ERG: variants seen among roughly 807,000 people sequenced by gnomAD.
ERG encodes the protein ETS transcription factor ERG.
Under a neutral mutation model 55.3 loss-of-function variants are expected in ERG, and 9 were observed. The observed-to-expected ratio is 0.16, with a 90% CI of 0.10 to 0.28. The LOEUF (loss-of-function observed/expected upper bound fraction) is 0.28. Ranked by LOEUF, ERG falls within the 10% of genes least tolerant of loss-of-function variation. The pLI, the probability that ERG is intolerant of heterozygous loss-of-function variation, is 1.00. For missense variants in ERG, 434 were observed against 631.6 expected (o/e 0.69, Z 3.35); for synonymous variants, 223 against 237.3 (o/e 0.94, Z 0.55).
intron 1 of ERG, among the ~76,000 whole-genome samples, chr21:38,628,149 G>A (rs2060336629): frequency 1.3e-5 from 2 of 151,918 alleles, no homozygotes; most frequent in East Asian, 1.9e-4. Flanking sequence ...AGGGTTTTGC[G>A]ATGTTGCCCA....
intron 1 of ERG, among the ~76,000 whole-genome samples, chr21:38,486,184 C>T (rs1185481031): frequency 7.2e-5 from 11 of 152,094 alleles, no homozygotes; most frequent in Admixed American, 6.5e-4. Context: ...CTGCCCGCCT[C>T]AGCCTCCCAA....
chr21:38,649,912 C>A (rs1016400154), intron 1 of ERG, among the ~76,000 whole-genome samples: 1 of 152,210 alleles, frequency 6.6e-6, no homozygotes, highest in African/African-American at 2.4e-5. Context: ...TAATGCTAGA[C>A]GCGAGAACAC....
chr21:38,636,599 A>G (rs1242581987), intron 1 of ERG, among the ~76,000 whole-genome samples: 1 of 152,208 alleles, frequency 6.6e-6, no homozygotes, highest in Non-Finnish European at 1.5e-5. Flanking sequence ...GAACTATAAA[A>G]GCCGGAGGGA....
intron 1 of ERG, among the ~76,000 whole-genome samples, chr21:38,640,073 G>A (rs1466691499): frequency 6.6e-6 from 1 of 152,096 alleles, no homozygotes; most frequent in Non-Finnish European, 1.5e-5. Context: ...CTGCCAAGGA[G>A]TTTAAGGGAG....
chr21:38,627,839 G>A (rs2060334063), intron 1 of ERG, among the ~76,000 whole-genome samples: 1 of 152,018 alleles, frequency 6.6e-6, no homozygotes, highest in East Asian at 1.9e-4. Context: ...GTAATTTTTT[G>A]ATGTATATCT....
At position 38,620,112 on chromosome 21, in the gene ERG, T is replaced by C. The variant is rs867003020; in HGVS notation, c.-149-35167A>G. Among the ~76,000 whole-genome samples, 6 of 152,198 alleles carry C rather than the reference T, an allele frequency of 3.9e-5. No homozygotes were observed. In the South Asian group the frequency reaches 1.0e-3, roughly 26 times the overall value. On this transcript the variant is annotated intron_variant, in intron 1 of 10. Transcript: ENST00000398910. The stretch of plus-strand genomic sequence containing the variant: ...GCTCTGACTCCTCCGTAAATCAACA[T>C]TTAAAGTGTTAGATACAGAGAGTCC...
rs150319761 is a variant in ERG at position 38,404,939 on chromosome 21, TGAGA to T, written c.389-1234_389-1231del. ...TTGCAGAGGTAAACCGTAATAATAGTGAGAAACAGCCAGCCAGTCATACACCCAG... is the reference window on the plus strand; with the variant it reads ...TTGCAGAGGTAAACCGTAATAATAGTAACAGCCAGCCAGTCATACACCCAG... On this transcript the variant is annotated intron_variant, in intron 3 of 9. Transcript: ENST00000288319. 3.8e-3 allele frequency among the ~76,000 whole-genome samples: 574 copies of T among 152,320 alleles called. 3 individuals are homozygous for T. Among genetic ancestry groups the T allele is most frequent in the African/African-American group, 0.013 (556 of 41,556 alleles).
intron 3 of ERG, among the ~76,000 whole-genome samples, chr21:38,405,618 G>C (rs1014477009): frequency 6.6e-6 from 1 of 152,134 alleles, no homozygotes. Context: ...TATTCCAAGC[G>C]TGGTCCTCCA....
At chr21:38,418,583 A>G (rs1239448575) in intron 3 of ERG, among the ~76,000 whole-genome samples, 3 of 152,048 alleles carry the variant, frequency 2.0e-5, no homozygotes, top group African/African-American at 7.2e-5. Context: ...ATTTTTAATC[A>G]TAAATTTTCC....
At chr21:38,553,457 G>A (rs11088435) in intron 2 of ERG, among the ~76,000 whole-genome samples, 74,306 of 151,976 alleles carry the variant, frequency 0.49, 19,880 homozygotes, top group Non-Finnish European at 0.62. Context: ...CAGTAACCAA[G>A]ACAGCATAGA....
At position 38,383,818 on chromosome 21, in the gene ERG, G is replaced by A. The variant is rs747083136; in HGVS notation, c.1025C>T (p.Thr342Met). ...WEGTNGEFKM[T>M]DPDEVARRWG... is the part of the protein sequence containing the mutation. ...GCGCCGGGCCACCTCGTCGGGATCCGTCATCTTGAACTCCCCGTTGGTGCC... is the reference window on the plus strand; with the variant it reads ...GCGCCGGGCCACCTCGTCGGGATCCATCATCTTGAACTCCCCGTTGGTGCC... Residue 342 changes from threonine (T) to methionine (M), a missense_variant, in exon 10 of 10, where the codon ACG becomes ATG. By Grantham distance (81) the Thr-to-Met change is moderately conservative. This residue lies in a region of ERG where 13 missense variants were observed against 76.6 expected (regional missense o/e 0.17). Coordinates refer to ENST00000288319, the MANE Select transcript of ERG (RefSeq NM_182918.4). The surrounding 1 kb of genome is among the most constrained non-coding windows in gnomAD (Gnocchi z 5.7). 11 of 1,614,040 alleles carry A rather than the reference G, an allele frequency of 6.8e-6. No homozygotes were observed. The highest frequency in any genetic ancestry group is 6.7e-5 in the East Asian group (3 of 44,884).
At chr21:38,627,943 C>CCTTTTTTT (rs1555876063) in intron 1 of ERG, among the ~76,000 whole-genome samples, 1 of 142,628 alleles carries the variant, frequency 7.0e-6, no homozygotes. Context: ...GTTTTCTCTT[C>CCTTTTTTT]TTTTTTTTTT....
chr21:38,596,023 C>A (rs970334826), intron 1 of ERG, among the ~76,000 whole-genome samples: 3 of 145,544 alleles, frequency 2.1e-5, no homozygotes, highest in African/African-American at 7.9e-5. Flanking sequence ...ATCCCAGGAC[C>A]AGATCCTCTC....
chr21:38,552,236 C>T (rs192955119), intron 2 of ERG, among the ~76,000 whole-genome samples: 172 of 152,196 alleles, frequency 1.1e-3, no homozygotes, highest in African/African-American at 3.7e-3. Flanking sequence ...AGATTCACAA[C>T]CAAATTCTAC....
intron 1 of ERG, among the ~76,000 whole-genome samples, chr21:38,455,765 T>A (rs916641670): frequency 6.6e-6 from 1 of 151,552 alleles, no homozygotes; most frequent in Non-Finnish European, 1.5e-5. Context: ...TCATCAGGTG[T>A]CACTCTCATG....
At chr21:38,428,123 G>C (rs1327756540) in intron 2 of ERG, among the ~76,000 whole-genome samples, 1 of 151,550 alleles carries the variant, frequency 6.6e-6, no homozygotes, top group African/African-American at 2.4e-5. Context: ...TGAGACTGCA[G>C]TGAGCTGAGA....
chr21:38,507,780 C>A (rs2146715192), intron 2 of ERG, among the ~76,000 whole-genome samples: 1 of 152,270 alleles, frequency 6.6e-6, no homozygotes, highest in South Asian at 2.1e-4. Context: ...AGGAATGTGG[C>A]CAGGCCCAGC....
At position 38,406,154 on chromosome 21, in the gene ERG, C is replaced by CAAAAAAA. The variant is rs56711562; in HGVS notation, c.389-2452_389-2446dup. The stretch of plus-strand genomic sequence containing the variant: ...TGAGCGACAGAGCGAGACTCCATCT[C>CAAAAAAA]AAAAAAAAAAAAAAAAAAAAATCAT... On this transcript the variant is annotated intron_variant, in intron 3 of 9. Transcript: ENST00000288319. Among the ~76,000 whole-genome samples the CAAAAAAA allele has an allele frequency of 1.2e-4, 11 of 95,020 alleles. 1 individual carries two copies. The highest frequency in any genetic ancestry group is 3.5e-4 in the East Asian group (1 of 2,842). 62.3% of individuals were successfully genotyped at this position (95,020 alleles called of 152,430 possible).
At chr21:38,559,171 C>T (rs1057150638) in intron 2 of ERG, among the ~76,000 whole-genome samples, 2 of 152,112 alleles carry the variant, frequency 1.3e-5, no homozygotes, top group African/African-American at 4.8e-5. Flanking sequence ...AGGAGCAGAA[C>T]AAGGAAATCC....
Sources: allele counts gnomAD v4.1 joint callset (sites outside exome capture counted in the v4.1 genomes callset), GRCh38; gene constraint gnomAD v4.1.1; regional missense constraint gnomAD v4.1.1; non-coding constraint Gnocchi (gnomAD v3.1); transcripts MANE v1.5; gene names NCBI Gene and HGNC (gene_info 2026-07-23, HGNC 2026-07-21).